The following DNER variants were observed in gnomAD, a reference collection of about 807,000 sequenced individuals.
DNER encodes delta and Notch-like epidermal growth factor-related receptor.
DNER carries 33 observed loss-of-function variants against 78.2 expected under a neutral mutation model. The observed-to-expected ratio is 0.42, with a 90% confidence interval of 0.32 to 0.56. The LOEUF (loss-of-function observed/expected upper bound fraction) is 0.56. DNER is among the 20% of genes least tolerant of loss of function. The probability of loss-of-function intolerance (pLI) is 0.11; values close to 1 mark genes in which losing one functional copy is unlikely to be tolerated. For missense variants in DNER, 918 were observed against 975.3 expected (o/e 0.94, Z 0.78); for synonymous variants, 417 against 384.8 (o/e 1.08, Z -0.98).
intron 8 of DNER, among the ~76,000 whole-genome samples, chr2:229,423,775 A>G (rs1476675071): frequency 6.6e-6 from 1 of 152,222 alleles, no homozygotes; most frequent in Non-Finnish European, 1.5e-5. Context: ...ATCTATATCC[A>G]TAAAACAAAA....
At chr2:229,455,145 T>C (rs1694544138) in intron 7 of DNER, among the ~76,000 whole-genome samples, 4 of 152,126 alleles carry the variant, frequency 2.6e-5, no homozygotes, top group Admixed American at 2.6e-4. Flanking sequence ...TTCTTGTTCA[T>C]ATGACATCCT....
chr2:229,423,671 C>G (rs1693812129), intron 8 of DNER, among the ~76,000 whole-genome samples: 1 of 150,410 alleles, frequency 6.6e-6, no homozygotes. Flanking sequence ...CTTGATAAAC[C>G]AAGAGAAGAT....
intron 4 of DNER, among the ~76,000 whole-genome samples, chr2:229,549,885 T>C (rs1696698567): frequency 6.6e-6 from 1 of 151,028 alleles, no homozygotes; most frequent in Admixed American, 6.6e-5. Context: ...CACTCCAGCC[T>C]GGGTGACAGA....
chr2:229,517,409 T>A (rs1191946973), intron 5 of DNER, among the ~76,000 whole-genome samples: 2 of 152,196 alleles, frequency 1.3e-5, no homozygotes, highest in African/African-American at 4.8e-5. Flanking sequence ...AGGGCTGTTA[T>A]GAAGAACACA....
chr2:229,477,157 G>T lies in DNER; in HGVS notation c.1244C>A (p.Thr415Asn). Reference sequence around the variant, plus strand: ...CTAATTACCTTCTGGACACTGGCAGGTGAATCCACTGAGACTGGAAATGCA... The same window carrying T: ...CTAATTACCTTCTGGACACTGGCAGTTGAATCCACTGAGACTGGAAATGCA... ...ATCISSLSGF[T>N]CQCPEGYFGS... The change falls in exon 7 of 13, where the codon ACC becomes AAC. Residue 415 changes from threonine (T) to asparagine (N), a missense_variant. Transcript: ENST00000341772. 1.2e-6 allele frequency: 2 copies of T among 1,613,788 alleles called. No homozygotes were observed. The highest frequency in any genetic ancestry group is 1.1e-5 in the South Asian group (1 of 91,028).
intron 4 of DNER, among the ~76,000 whole-genome samples, chr2:229,566,569 C>A (rs557642987): frequency 6.6e-6 from 1 of 152,122 alleles, no homozygotes; most frequent in African/African-American, 2.4e-5. Context: ...ATTTGCATCA[C>A]GGGTGCTGTC....
chr2:229,714,376 C>A lies in DNER; in HGVS notation c.48G>T (p.Ala16=). Residue 16 remains alanine, a synonymous_variant, in exon 1 of 13, where the codon GCG becomes GCT. Transcript: ENST00000341772. Reference sequence around the variant, plus strand: ...CGAGCAGCAGCAGCAGCAGGGCCAGCGCGGGCAGCAGCTGCGCACCGGGCG... The same window carrying A: ...CGAGCAGCAGCAGCAGCAGGGCCAGAGCGGGCAGCAGCTGCGCACCGGGCG... ...AQAPGAQLLP[A]LALLLLLLGA... 23 of 1,214,816 alleles carry A rather than the reference C, an allele frequency of 1.9e-5. No individual in the cohort carries two copies. Among genetic ancestry groups the A allele is most frequent in the Non-Finnish European group, 2.3e-5 (23 of 980,052 alleles). The allele number at this position is 1,214,816 out of a possible 1,614,324, so 75.3% of individuals were successfully genotyped here. A position where few individuals can be genotyped will look rare whatever the true frequency, so the allele number is the denominator to read the frequency against.
At chr2:229,517,989 C>T (rs919456754) in intron 5 of DNER, among the ~76,000 whole-genome samples, 3 of 152,186 alleles carry the variant, frequency 2.0e-5, no homozygotes, top group African/African-American at 7.2e-5. Flanking sequence ...ATAGTAATGT[C>T]GCTCTACGTT....
At chr2:229,505,245 G>A (rs1176664332) in intron 6 of DNER, among the ~76,000 whole-genome samples, 2 of 140,906 alleles carry the variant, frequency 1.4e-5, no homozygotes, top group Admixed American at 1.4e-4. Flanking sequence ...AGCAGCACTA[G>A]AAGCTAAGCT....
intron 1 of DNER, among the ~76,000 whole-genome samples, chr2:229,594,695 A>G (rs943046536): frequency 6.6e-6 from 1 of 152,196 alleles, no homozygotes; most frequent in Non-Finnish European, 1.5e-5. Flanking sequence ...TTCAGCCAAG[A>G]GTTCTTTCCA....
chr2:229,561,799 C>A (rs972611650), intron 4 of DNER, among the ~76,000 whole-genome samples: 3 of 152,156 alleles, frequency 2.0e-5, no homozygotes, highest in African/African-American at 7.2e-5. Context: ...CCACTGATAT[C>A]TATTCTCCTC....
intron 9 of DNER, among the ~76,000 whole-genome samples, chr2:229,413,285 T>A (rs963583269): frequency 6.6e-6 from 1 of 150,556 alleles, no homozygotes; most frequent in African/African-American, 2.4e-5. Context: ...CTGGCAGAAG[T>A]TCCCCCTCAT....
intron 6 of DNER, among the ~76,000 whole-genome samples, chr2:229,499,922 ACTTT>A (rs138439305): frequency 0.14 from 16,735 of 115,536 alleles, 1,183 homozygotes; most frequent in Non-Finnish European, 0.21. Context: ...ATCTGAATAG[ACTTT>A]CTTTCTTTTT....
chr2:229,644,334 C>CT (rs5839345), intron 1 of DNER, among the ~76,000 whole-genome samples: 2,443 of 97,464 alleles, frequency 0.025, 359 homozygotes, highest in African/African-American at 0.079. Flanking sequence ...CTTGCTTTCT[C>CT]TTTTTTTTTT....
intron 1 of DNER, among the ~76,000 whole-genome samples, chr2:229,644,473 T>C (rs1034646452): frequency 6.7e-6 from 1 of 149,616 alleles, no homozygotes; most frequent in Non-Finnish European, 1.5e-5. Flanking sequence ...CCTCCTGTAA[T>C]CCCAGCTACG....
Position 229,512,904 on chromosome 2 carries a change from G to A in DNER, c.1026C>T (p.Tyr342=), listed in dbSNP as rs373389203. 1.2e-5 allele frequency: 20 copies of A among 1,614,034 alleles called. No homozygotes were observed. Among genetic ancestry groups the A allele is most frequent in the Admixed American group, 1.7e-5 (1 of 60,010 alleles). The part of the protein sequence containing the change: ...ATFSCTCEEQ[Y]VGTFCEEYDA... Reference sequence around the variant, plus strand: ...CGTATTCTTCACAGAAAGTACCCACGTACTGCTCCTCACAGGTACAGGAAA... The same window carrying A: ...CGTATTCTTCACAGAAAGTACCCACATACTGCTCCTCACAGGTACAGGAAA... The change falls in exon 6 of 13, where the codon TAC becomes TAT. Residue 342 remains tyrosine, a synonymous_variant. Coordinates refer to ENST00000341772, the MANE Select transcript of DNER (RefSeq NM_139072.4).
chr2:229,478,442 T>G (rs1695083227), intron 6 of DNER, among the ~76,000 whole-genome samples: 1 of 152,228 alleles, frequency 6.6e-6, no homozygotes, highest in African/African-American at 2.4e-5. Flanking sequence ...GGCATTCATT[T>G]GCAATCCTAC....
chr2:229,689,673 G>A (rs756554212), intron 1 of DNER, among the ~76,000 whole-genome samples: 2 of 152,152 alleles, frequency 1.3e-5, no homozygotes, highest in African/African-American at 4.8e-5. Flanking sequence ...GGGGAGTGGG[G>A]AGGGGCAGAT....
Position 229,664,012 on chromosome 2 carries a change from T to C in DNER, c.276+50136A>G, listed in dbSNP as rs138522585. Among the ~76,000 whole-genome samples, 8 of 152,354 alleles carry C rather than the reference T, an allele frequency of 5.3e-5. No individual in the cohort carries two copies. The East Asian group carries it at 1.5e-3, about 29-fold the overall frequency. On this transcript the variant is annotated intron_variant, in intron 1 of 12. Coordinates refer to ENST00000341772, the MANE Select transcript of DNER (RefSeq NM_139072.4). Reference sequence around the variant, plus strand: ...TGAATCTGACATTCCAAAAAGGCCTTGAAATTAACTAACCTGGTCCAATAT... The same window carrying C: ...TGAATCTGACATTCCAAAAAGGCCTCGAAATTAACTAACCTGGTCCAATAT...
Sources: gnomAD v4.1 joint callset for allele counts (sites outside exome capture counted in the v4.1 genomes callset) on GRCh38, gnomAD v4.1.1 for gene constraint, MANE v1.5 for transcripts, NCBI Gene and HGNC (gene_info 2026-07-23, HGNC 2026-07-21) for gene names.